The following CPEB1 variants were observed in gnomAD, a reference collection of about 807,000 sequenced individuals.
The protein encoded by CPEB1 is cytoplasmic polyadenylation element binding protein 1, also known as cytoplasmic polyadenylation element-binding protein 1.
Under a neutral mutation model 65.8 loss-of-function variants are expected in CPEB1, and 7 were observed. The ratio of observed to expected loss-of-function variants is 0.11; its 90% CI spans 0.06 to 0.20. The LOEUF (loss-of-function observed/expected upper bound fraction) is 0.20, where lower values mean the gene tolerates loss of function less well. Ranked by LOEUF, CPEB1 falls within the 10% of genes least tolerant of loss-of-function variation. The pLI, the probability that CPEB1 is intolerant of heterozygous loss-of-function variation, is 1.00. For missense variants in CPEB1, 551 were observed against 712.2 expected, an observed-to-expected ratio of 0.77 and a Z score of 2.58; for synonymous variants, 262 against 260.0, an observed-to-expected ratio of 1.01 and a Z score of -0.08.
chr15:82,631,009 A>C (rs1256258091), intron 1 of CPEB1, among the ~76,000 whole-genome samples: 1 of 152,190 alleles, frequency 6.6e-6, no homozygotes, highest in Non-Finnish European at 1.5e-5. Context: ...GTAAATAACA[A>C]AGTGAGTCTT....
chr15:82,566,501 G>T (rs575511380), intron 4 of CPEB1, among the ~76,000 whole-genome samples: 20 of 152,202 alleles, frequency 1.3e-4, no homozygotes, highest in African/African-American at 4.8e-4. Context: ...CCCCAAATCT[G>T]CAACTCTATA....
At chr15:82,635,979 G>A (rs1327838729) in intron 1 of CPEB1, among the ~76,000 whole-genome samples, 1 of 152,054 alleles carries the variant, frequency 6.6e-6, no homozygotes, top group East Asian at 1.9e-4. Context: ...AAAGCTACAG[G>A]TCCTAACCTC....
intron 3 of CPEB1, among the ~76,000 whole-genome samples, chr15:82,612,405 G>A (rs190236248): frequency 6.6e-6 from 1 of 151,100 alleles, no homozygotes; most frequent in East Asian, 1.9e-4. Context: ...GCTGAGGCAG[G>A]AGAATCGCTT....
At chr15:82,617,968 C>T (rs1262577425) in intron 3 of CPEB1, among the ~76,000 whole-genome samples, 1 of 151,408 alleles carries the variant, frequency 6.6e-6, no homozygotes, top group Non-Finnish European at 1.5e-5. Flanking sequence ...CTCCTGACCT[C>T]GTGATCCGCC....
In CPEB1 at chr15:82,543,439, T is replaced by C. The variant is rs2034610815; in HGVS notation, c.*1153A>G. ...CTTCCCTAGGAGGGGCAAGTAGTTT[T>C]TGTGGGTTTTTTGTTTCTTTTTAAA... On this transcript the variant is annotated 3_prime_UTR_variant, in exon 13 of 13. Coordinates refer to ENST00000684509, the MANE Select transcript of CPEB1 (RefSeq NM_001365242.1). The C allele has an allele frequency of 6.7e-6, 1 of 149,908 alleles. No homozygotes were observed. Among genetic ancestry groups the C allele is most frequent in the Admixed American group, 6.6e-5 (1 of 15,046 alleles). 9.3% of individuals were successfully genotyped at this position (149,908 alleles called of 1,614,324 possible).
chr15:82,629,800 A>G, intron 1 of CPEB1: 1 of 985,460 alleles, frequency 1.0e-6, no homozygotes, highest in Non-Finnish European at 1.2e-6. Context: ...TGTTTGGCCT[A>G]CTAAAATCCA....
At chr15:82,557,489 T>C (rs1432533639) in intron 5 of CPEB1, 3 of 404,714 alleles carry the variant, frequency 7.4e-6, no homozygotes, top group African/African-American at 6.1e-5. Context: ...TGAAATTAAG[T>C]GTTTTCCAGT....
At chr15:82,609,206 T>C (rs1335651755) in intron 3 of CPEB1, among the ~76,000 whole-genome samples, 2 of 152,310 alleles carry the variant, frequency 1.3e-5, no homozygotes, top group African/African-American at 2.4e-5. Flanking sequence ...TAAAATCCTA[T>C]GTTAAAGATT....
chr15:82,562,873 A>C (rs931855528), intron 4 of CPEB1, among the ~76,000 whole-genome samples: 1 of 152,070 alleles, frequency 6.6e-6, no homozygotes, highest in Admixed American at 6.5e-5. Flanking sequence ...ATTTAAATAC[A>C]GTTCTCACAC....
intron 6 of CPEB1, among the ~76,000 whole-genome samples, chr15:82,554,732 C>A (rs1419503037): frequency 6.6e-6 from 1 of 152,216 alleles, no homozygotes; most frequent in Non-Finnish European, 1.5e-5. Flanking sequence ...AAGAGGCAGA[C>A]AGCCAATGAA....
intron 3 of CPEB1, among the ~76,000 whole-genome samples, chr15:82,614,707 T>C (rs1484765110): frequency 6.6e-6 from 1 of 151,766 alleles, no homozygotes; most frequent in Non-Finnish European, 1.5e-5. Context: ...GGATTAGAAA[T>C]CCAAGGATTT....
At chr15:82,625,191 A>T (rs2045650368) in intron 3 of CPEB1, among the ~76,000 whole-genome samples, 1 of 152,226 alleles carries the variant, frequency 6.6e-6, no homozygotes. Flanking sequence ...ATTAGAACTA[A>T]GAAAGATGAC....
chr15:82,552,677 G>T (rs2036480707), intron 8 of CPEB1, 61 bp from the exon 9 acceptor site: 2 of 1,572,914 alleles, frequency 1.3e-6, no homozygotes, highest in Non-Finnish European at 8.7e-7. Flanking sequence ...CCTCAGCCTT[G>T]GCTTTGCAGC....
At chr15:82,597,234 G>A (rs974877266) in intron 3 of CPEB1, among the ~76,000 whole-genome samples, 1 of 152,184 alleles carries the variant, frequency 6.6e-6, no homozygotes, top group Non-Finnish European at 1.5e-5. Flanking sequence ...ACTAAAGTGG[G>A]AGGATCAATT....
At chr15:82,545,472 CCCTAACA>C (rs1242469233) in intron 12 of CPEB1, among the ~76,000 whole-genome samples, 1 of 152,126 alleles carries the variant, frequency 6.6e-6, no homozygotes, top group Non-Finnish European at 1.5e-5. Flanking sequence ...CCCAAACTTC[CCCTAACA>C]CCTGTCAAAG....
chr15:82,544,776 CTTG>C, intron 12 of CPEB1, 74 bp from the exon 13 acceptor site: 1 of 1,159,472 alleles, frequency 8.6e-7, no homozygotes, highest in Non-Finnish European at 1.3e-6. Context: ...GCACGAGCTG[CTTG>C]TTCTGTTTGG....
chr15:82,580,510 T>G (rs912248200), intron 3 of CPEB1, among the ~76,000 whole-genome samples: 89 of 152,270 alleles, frequency 5.8e-4, no homozygotes, highest in African/African-American at 2.1e-3. Flanking sequence ...TACTAAAAAT[T>G]TTATTGTGGT....
At chr15:82,594,395 A>G (rs796087817) in intron 3 of CPEB1, among the ~76,000 whole-genome samples, 1 of 142,916 alleles carries the variant, frequency 7.0e-6, no homozygotes, top group Non-Finnish European at 1.5e-5. Flanking sequence ...AAAAAGAAAA[A>G]CCTCATGAAC....
At chr15:82,602,906 T>C (rs957382644) in intron 3 of CPEB1, among the ~76,000 whole-genome samples, 1 of 151,970 alleles carries the variant, frequency 6.6e-6, no homozygotes, top group African/African-American at 2.4e-5. Context: ...ATTAGTGAAA[T>C]GGCGAATAAG....
Sources: allele counts gnomAD v4.1 joint callset (sites outside exome capture counted in the v4.1 genomes callset), GRCh38; gene constraint gnomAD v4.1.1; transcripts MANE v1.5; gene names NCBI Gene and HGNC (gene_info 2026-07-23, HGNC 2026-07-21).